Variants in DLGAP2 observed in about 807,000 individuals in gnomAD.
The protein encoded by DLGAP2 is DLG associated protein 2.
In DLGAP2, 26 loss-of-function variants were observed where a neutral mutation model predicts 100.3. That is an observed-to-expected ratio of 0.26 (90% CI 0.19 to 0.36). DLGAP2 has a LOEUF of 0.36. DLGAP2 is among the 10% of genes least tolerant of loss of function. The pLI, the probability that DLGAP2 is intolerant of heterozygous loss-of-function variation, is 1.00. For missense variants in DLGAP2, 1,858 were observed against 1,453.2 expected (o/e 1.28, Z -4.53); for synonymous variants, 886 against 630.1 (o/e 1.41, Z -6.08).
chr8:957,501 T>C (rs542767615), intron 2 of DLGAP2, among the ~76,000 whole-genome samples: 1 of 152,240 alleles, frequency 6.6e-6, no homozygotes, highest in African/African-American at 2.4e-5. Context: ...ATGCTGATAT[T>C]AGGCCACTGC....
chr8:1,628,269 C>G (rs564385751), intron 7 of DLGAP2, among the ~76,000 whole-genome samples: 5 of 145,870 alleles, frequency 3.4e-5, no homozygotes, highest in Admixed American at 6.7e-5. Flanking sequence ...CCTGAGCTGA[C>G]CTCACATTCT....
intron 1 of DLGAP2, among the ~76,000 whole-genome samples, chr8:800,755 T>G: frequency 6.6e-6 from 1 of 152,136 alleles, no homozygotes. Context: ...CATGTGTGCA[T>G]GTGTGTGTCT....
At chr8:1,690,988 G>C (rs939571614) in intron 12 of DLGAP2, among the ~76,000 whole-genome samples, 12 of 152,100 alleles carry the variant, frequency 7.9e-5, no homozygotes, top group Non-Finnish European at 1.3e-4. Flanking sequence ...TGTCCACGCA[G>C]CCTCTTCCTA....
intron 2 of DLGAP2, among the ~76,000 whole-genome samples, chr8:1,170,598 T>A (rs112846039): frequency 0.055 from 7,481 of 136,738 alleles, 476 homozygotes; most frequent in African/African-American, 0.088. Flanking sequence ...AGCTTCTTCC[T>A]GGTTTAGTCT....
rs74974090 is a variant in DLGAP2, at chr8:1,285,308, C to T, written c.106+26425C>T. Among the ~76,000 whole-genome samples, 4 of 152,162 alleles carry T rather than the reference C, an allele frequency of 2.6e-5. No homozygotes were observed. In the South Asian group the frequency reaches 8.3e-4, roughly 32 times the overall value. On this transcript the variant is annotated intron_variant, in intron 3 of 14. Coordinates refer to ENST00000637795, the MANE Select transcript of DLGAP2 (RefSeq NM_001346810.2). ...CATGATTCATTGTTAAAAAATAAAA[C>T]AGTGCATACATTTATTTTTTTAATA... is the stretch of plus-strand genomic sequence containing the variant.
chr8:1,121,605 A>T (rs946760191), intron 2 of DLGAP2, among the ~76,000 whole-genome samples: 8 of 151,696 alleles, frequency 5.3e-5, no homozygotes, highest in Admixed American at 1.3e-4. Flanking sequence ...TTCCTTCAGA[A>T]CCCATGACTA....
At chr8:1,383,054 G>T (rs931806677) in intron 3 of DLGAP2, among the ~76,000 whole-genome samples, 2 of 152,218 alleles carry the variant, frequency 1.3e-5, no homozygotes, top group Non-Finnish European at 2.9e-5. Context: ...AAGGATCTTT[G>T]GACGTAAGTA....
chr8:947,409 C>T (rs1434614855), intron 2 of DLGAP2, among the ~76,000 whole-genome samples: 1 of 152,246 alleles, frequency 6.6e-6, no homozygotes, highest in Non-Finnish European at 1.5e-5. Flanking sequence ...GTTGCGCTGG[C>T]CTTGCACTTG....
chr8:1,451,254 A>T (rs1798151822), intron 3 of DLGAP2, among the ~76,000 whole-genome samples: 2 of 152,198 alleles, frequency 1.3e-5, no homozygotes, highest in African/African-American at 4.8e-5. Flanking sequence ...CGTAACTAAC[A>T]TCCTACATAA....
At chr8:1,120,439 T>A (rs1796010855) in intron 2 of DLGAP2, among the ~76,000 whole-genome samples, 1 of 152,192 alleles carries the variant, frequency 6.6e-6, no homozygotes, top group African/African-American at 2.4e-5. Context: ...TCCATGACTG[T>A]CCATTCTAGA....
At chr8:1,534,752 T>A (rs553267417) in intron 4 of DLGAP2, among the ~76,000 whole-genome samples, 4 of 150,776 alleles carry the variant, frequency 2.7e-5, no homozygotes, top group African/African-American at 9.8e-5. Flanking sequence ...CTGTGTGTGT[T>A]TGTGTGTGCA....
At chr8:748,999 C>G (rs1423591001) in intron 1 of DLGAP2, among the ~76,000 whole-genome samples, 1 of 152,154 alleles carries the variant, frequency 6.6e-6, no homozygotes, top group African/African-American at 2.4e-5. Context: ...TGTACATTTT[C>G]TTTTCTTTTT....
At chr8:1,072,484 T>C (rs1302392952) in intron 2 of DLGAP2, among the ~76,000 whole-genome samples, 3 of 152,204 alleles carry the variant, frequency 2.0e-5, no homozygotes, top group Non-Finnish European at 4.4e-5. Flanking sequence ...TCATTCACGT[T>C]ATCTTGGAGA....
chr8:1,116,748 C>G (rs1805129975), intron 2 of DLGAP2, among the ~76,000 whole-genome samples: 1 of 151,984 alleles, frequency 6.6e-6, no homozygotes, highest in Non-Finnish European at 1.5e-5. Flanking sequence ...CTACAGTGAG[C>G]TGTGATTGTG....
At chr8:1,110,646 G>C (rs981434463) in intron 2 of DLGAP2, among the ~76,000 whole-genome samples, 3 of 151,980 alleles carry the variant, frequency 2.0e-5, no homozygotes, top group African/African-American at 7.3e-5. Flanking sequence ...CCTGAAATTA[G>C]GGGAAAACAA....
chr8:1,485,700 A>C (rs968683156), intron 3 of DLGAP2, among the ~76,000 whole-genome samples: 2 of 152,196 alleles, frequency 1.3e-5, no homozygotes, highest in African/African-American at 4.8e-5. Flanking sequence ...GGAAAAGGGA[A>C]CCTTTGAAAG....
intron 2 of DLGAP2, chr8:1,002,815 T>A (rs1414447094): frequency 6.6e-6 from 1 of 152,260 alleles, no homozygotes; most frequent in East Asian, 1.9e-4. Context: ...TGGAGTTAGT[T>A]TGACCGAGTC....
chr8:1,007,934 C>T (rs773373653), intron 2 of DLGAP2, among the ~76,000 whole-genome samples: 17 of 152,098 alleles, frequency 1.1e-4, no homozygotes, highest in East Asian at 7.7e-4. Flanking sequence ...CCATGGCGCC[C>T]GGTCCGTCTC....
chr8:1,121,443 C>T (rs1169309445), intron 2 of DLGAP2, among the ~76,000 whole-genome samples: 3 of 151,698 alleles, frequency 2.0e-5, no homozygotes, highest in Non-Finnish European at 2.9e-5. Flanking sequence ...ATCCTCATCC[C>T]TTCAGAACAC....
Sources: allele counts gnomAD v4.1 joint callset (sites outside exome capture counted in the v4.1 genomes callset), GRCh38; gene constraint gnomAD v4.1.1; transcripts MANE v1.5; gene names NCBI Gene and HGNC (gene_info 2026-07-23, HGNC 2026-07-21).